FREM1: variants seen among roughly 807,000 people sequenced by gnomAD.
FREM1 encodes the protein FRAS1-related extracellular matrix protein 1.
FREM1 carries 220 observed loss-of-function variants against 210.1 expected under a neutral mutation model. The observed-to-expected ratio is 1.05, with a 90% CI of 0.94 to 1.17. The LOEUF (loss-of-function observed/expected upper bound fraction) is 1.17. Among genes scored for constraint, FREM1 ranks in the 50% most tolerant of loss-of-function variants. The pLI, the probability that FREM1 is intolerant of heterozygous loss-of-function variation, is 0.00. For synonymous variants in FREM1, 1,189 were observed against 980.2 expected (o/e 1.21, Z -3.98); for missense variants, 3,454 against 2,675.5 (o/e 1.29, Z -6.42).
Position 14,769,657 on chromosome 9 carries a change from C to A in FREM1, c.5204+67G>T, listed in dbSNP as rs543020329. ...GTTCTGTTTTAAAAAGAACATTTCA[C>A]TTTCCTAATATTCAGATACATTATG... On this transcript the variant is annotated intron_variant, in intron 27 of 36. Transcript: ENST00000380880. 34 of 1,477,008 alleles carry A rather than the reference C, an allele frequency of 2.3e-5. No individual in the cohort carries two copies. In the African/African-American group the frequency reaches 4.5e-4, roughly 19 times the overall value. The allele number at this position is 1,477,008 out of a possible 1,614,324, so 91.5% of individuals were successfully genotyped here.
At chr9:14,847,372 C>T (rs1826834162) in intron 7 of FREM1, among the ~76,000 whole-genome samples, 1 of 101,320 alleles carries the variant, frequency 9.9e-6, no homozygotes, top group East Asian at 2.8e-4. Flanking sequence ...TGGGCTAATA[C>T]ATATATAAAG....
rs1330009101 is a variant in FREM1 at position 14,851,447 on chromosome 9, G to T, written c.989C>A (p.Pro330His). The T allele has an allele frequency of 1.2e-6, 2 of 1,613,974 alleles. No individual in the cohort carries two copies. Among genetic ancestry groups the T allele is most frequent in the South Asian group, 1.1e-5 (1 of 91,078 alleles). Residue 330 changes from proline (P) to histidine (H), a missense_variant, in exon 6 of 37, where the codon CCC (proline) becomes CAC (histidine). Physicochemically the swap from Pro to His is moderately conservative, Grantham distance 77. Transcript: ENST00000380880. ...TTTAGTAATGTTGAACACCAGCAAGGGTTTAGGGGTCTCATCTTCTTCACA... is the reference window on the plus strand; with the variant it reads ...TTTAGTAATGTTGAACACCAGCAAGTGTTTAGGGGTCTCATCTTCTTCACA... ...LDCEEDETPK[P>H]LLVFNITKAP...
intron 1 of FREM1, among the ~76,000 whole-genome samples, chr9:14,885,623 T>C (rs1378379261): frequency 6.6e-6 from 1 of 152,168 alleles, no homozygotes; most frequent in Non-Finnish European, 1.5e-5. Context: ...AGTCTCACAA[T>C]GTTGCCCAGG....
chr9:14,806,307 G>C (rs1472292471), intron 18 of FREM1, among the ~76,000 whole-genome samples: 1 of 145,148 alleles, frequency 6.9e-6, no homozygotes, highest in Non-Finnish European at 1.5e-5. Context: ...CCAGATTGGA[G>C]TGCAATGGCA....
intron 20 of FREM1, among the ~76,000 whole-genome samples, chr9:14,799,527 G>A (rs941629847): frequency 6.6e-6 from 1 of 151,768 alleles, no homozygotes; most frequent in Non-Finnish European, 1.5e-5. Flanking sequence ...AAATGACTGT[G>A]TCCAAACTGT....
In FREM1 at chr9:14,846,020, T is replaced by C. The variant is rs1356248234; in HGVS notation, c.1333A>G (p.Ile445Val). 3.1e-6 allele frequency: 5 copies of C among 1,611,584 alleles called. No homozygotes were observed. The highest frequency in any genetic ancestry group is 2.2e-5 in the South Asian group (2 of 90,450). The change falls in exon 8 of 37, where the codon ATT becomes GTT. Residue 445 changes from isoleucine (I) to valine (V), a missense_variant. Ile to Val is a conservative substitution (Grantham distance 29, BLOSUM62 3). Coordinates refer to ENST00000380880, the MANE Select transcript of FREM1 (RefSeq NM_001379081.2). ...ACGGTGACTAGCCGGACAGCACCAA[T>C]GTCGTCATTGTCGACAACCTGAAAC... Reference protein sequence around the residue: ...EQFQVVDNDDIGAVRLVTVGG... With the variant: ...EQFQVVDNDDVGAVRLVTVGG...
intron 25 of FREM1, among the ~76,000 whole-genome samples, chr9:14,772,702 T>A (rs112547359): frequency 6.6e-6 from 1 of 152,184 alleles, no homozygotes; most frequent in Non-Finnish European, 1.5e-5. Flanking sequence ...GCAATGAGAT[T>A]GGGTATTAAA....
At chr9:14,890,457 T>C (rs888935977) in intron 1 of FREM1, among the ~76,000 whole-genome samples, 3 of 152,210 alleles carry the variant, frequency 2.0e-5, no homozygotes, top group Admixed American at 6.5e-5. Flanking sequence ...CAATATAATA[T>C]GAGCATATTA....
chr9:14,757,089 C>G (rs1439119719), intron 28 of FREM1, among the ~76,000 whole-genome samples: 1 of 152,134 alleles, frequency 6.6e-6, no homozygotes, highest in Non-Finnish European at 1.5e-5. Context: ...TCAAGGACCC[C>G]GTCAGGTAGG....
intron 27 of FREM1, among the ~76,000 whole-genome samples, chr9:14,768,376 C>G (rs1303206252): frequency 2.7e-5 from 4 of 145,906 alleles, no homozygotes; most frequent in African/African-American, 1.0e-4. Flanking sequence ...TCTGACATTG[C>G]AAGTACTTGA....
intron 21 of FREM1, among the ~76,000 whole-genome samples, chr9:14,793,240 G>A (rs914026041): frequency 6.6e-6 from 1 of 152,120 alleles, no homozygotes; most frequent in African/African-American, 2.4e-5. Context: ...GAAGTAAGAG[G>A]GCTAGGTATG....
chr9:14,800,120 G>A (rs897946807), intron 20 of FREM1, among the ~76,000 whole-genome samples: 1 of 152,042 alleles, frequency 6.6e-6, no homozygotes, highest in Non-Finnish European at 1.5e-5. Context: ...AACCTTTGGG[G>A]CAGAAAGCTT....
chr9:14,778,849 C>T (rs1237306903), intron 24 of FREM1, among the ~76,000 whole-genome samples: 1 of 151,670 alleles, frequency 6.6e-6, no homozygotes, highest in Middle Eastern at 3.4e-3. Flanking sequence ...TTGAGACCAG[C>T]CTGGGCAACA....
At chr9:14,886,945 T>C (rs190480810) in intron 1 of FREM1, among the ~76,000 whole-genome samples, 5 of 150,902 alleles carry the variant, frequency 3.3e-5, no homozygotes, top group Non-Finnish European at 5.9e-5. Context: ...CTTTTTATGA[T>C]GTATTTTTTT....
chr9:14,821,841 G>A (rs1821382432), intron 13 of FREM1, among the ~76,000 whole-genome samples: 1 of 152,200 alleles, frequency 6.6e-6, no homozygotes. Context: ...GGGAAGCTAG[G>A]AATCAGCCTT....
chr9:14,796,190 G>A (rs934066042), intron 21 of FREM1, among the ~76,000 whole-genome samples: 2 of 152,128 alleles, frequency 1.3e-5, no homozygotes, highest in African/African-American at 4.8e-5. Flanking sequence ...CTTGTTTGAG[G>A]CCCTCCTTTC....
intron 1 of FREM1, among the ~76,000 whole-genome samples, chr9:14,876,291 C>T (rs1418056673): frequency 3.9e-5 from 6 of 152,212 alleles, no homozygotes; most frequent in African/African-American, 1.4e-4. Flanking sequence ...GTGGAGCCTA[C>T]AGAGGCAGGC....
intron 27 of FREM1, among the ~76,000 whole-genome samples, chr9:14,764,626 G>C (rs532693829): frequency 2.6e-5 from 4 of 152,162 alleles, no homozygotes; most frequent in Non-Finnish European, 4.4e-5. Context: ...CTGGGAAGAG[G>C]ATGGTGCTGG....
rs760254031 is a variant in FREM1, at chr9:14,868,951, C to T, written c.27G>A (p.Ala9=). 3.8e-6 allele frequency: 6 copies of T among 1,591,506 alleles called. No homozygotes were observed. Among genetic ancestry groups the T allele is most frequent in the Admixed American group, 3.4e-5 (2 of 57,982 alleles). Residue 9 remains alanine, a synonymous_variant, in exon 2 of 37, where the codon GCG becomes GCA. Transcript: ENST00000380880. ...GGAGGAGCAGCAGCAGCACGGCATT[C>T]GCAGCCCCCCAACTCAGAGAGTTCA... The part of the protein sequence containing the change: MNSLSWGA[A]NAVLLLLLLA...
Sources: gnomAD v4.1 joint callset for allele counts (sites outside exome capture counted in the v4.1 genomes callset) on GRCh38, gnomAD v4.1.1 for gene constraint, MANE v1.5 for transcripts, NCBI Gene and HGNC (gene_info 2026-07-23, HGNC 2026-07-21) for gene names.